SLC2A9: variants seen among roughly 807,000 people sequenced by gnomAD.
SLC2A9 encodes the protein solute carrier family 2 member 9.
SLC2A9 carries 39 observed loss-of-function variants against 50.6 expected under a neutral mutation model. That is an observed-to-expected ratio of 0.77 (90% confidence interval 0.60 to 1.01). The LOEUF is 1.01. Ranked by LOEUF, SLC2A9 falls within the 50% of genes least tolerant of loss-of-function variation. The pLI is 0.00. For synonymous variants in SLC2A9, 324 were observed against 276.9 expected (o/e 1.17, Z -1.69); for missense variants, 686 against 677.6 (o/e 1.01, Z -0.14).
At chr4:9,915,248 T>C (rs999499118) in intron 7 of SLC2A9, among the ~76,000 whole-genome samples, 4 of 152,210 alleles carry the variant, frequency 2.6e-5, no homozygotes, top group Admixed American at 6.5e-5. Context: ...GCTGAACTTA[T>C]TTATTTGAGA....
intron 10 of SLC2A9, among the ~76,000 whole-genome samples, chr4:9,848,971 G>C (rs1344638804): frequency 1.3e-5 from 2 of 152,188 alleles, no homozygotes; most frequent in African/African-American, 4.8e-5. Flanking sequence ...CGAAGTGCTG[G>C]GATTACAGGC....
At chr4:9,937,758 G>A (rs556156954) in intron 6 of SLC2A9, among the ~76,000 whole-genome samples, 4 of 152,356 alleles carry the variant, frequency 2.6e-5, no homozygotes, top group African/African-American at 7.2e-5. Flanking sequence ...AGCAGGGCCT[G>A]AAGAGCCAGC....
intron 6 of SLC2A9, among the ~76,000 whole-genome samples, chr4:9,931,960 CTCTATATATATATATATA>C (rs1331074403): frequency 8.9e-5 from 2 of 22,350 alleles, no homozygotes; most frequent in East Asian, 1.5e-3. Context: ...CTCTCTCTCT[CTCTATATATATATATATA>C]TATATATATA....
intron 9 of SLC2A9, among the ~76,000 whole-genome samples, chr4:9,890,085 C>T (rs534289883): frequency 7.2e-5 from 11 of 152,228 alleles, no homozygotes; most frequent in South Asian, 4.2e-4. Context: ...GATGAAGGGA[C>T]GACTGTTTCA....
At chr4:9,805,417 G>A (rs1165192586) in intron 3 of SLC2A9, among the ~76,000 whole-genome samples, 2 of 152,214 alleles carry the variant, frequency 1.3e-5, no homozygotes, top group Non-Finnish European at 2.9e-5. Flanking sequence ...TCAAGGAAGT[G>A]TAACCCTGAG....
intron 10 of SLC2A9, among the ~76,000 whole-genome samples, chr4:9,838,280 GT>G (rs1305320137): frequency 1.3e-5 from 2 of 152,008 alleles, no homozygotes; most frequent in Non-Finnish European, 2.9e-5. Context: ...GATGATGATG[GT>G]AACTGTGGCA....
At chr4:9,817,095 T>C (rs180903982) in intron 3 of SLC2A9, among the ~76,000 whole-genome samples, 1 of 152,294 alleles carries the variant, frequency 6.6e-6, no homozygotes, top group Non-Finnish European at 1.5e-5. Flanking sequence ...CTTCTTCTAG[T>C]ATCACTTCCT....
Position 9,839,132 on chromosome 4 carries a change from CTT to C in SLC2A9, c.1292-4126_1292-4125del, listed in dbSNP as rs541527226. On this transcript the variant is annotated intron_variant, in intron 10 of 11. Coordinates refer to ENST00000264784, the MANE Select transcript of SLC2A9 (RefSeq NM_020041.3). ...ACAAAGATCCAGCATCTATATGAAA[CTT>C]AAACAAATTTACAAGAATAAAACCC... 2.1e-3 allele frequency among the ~76,000 whole-genome samples: 314 copies of C among 152,158 alleles called. 2 individuals carry two copies. Among genetic ancestry groups the C allele is most frequent in the South Asian group, 8.1e-3 (39 of 4,822 alleles).
At chr4:9,808,499 A>G (rs59024311) in intron 3 of SLC2A9, among the ~76,000 whole-genome samples, 4,763 of 152,274 alleles carry the variant, frequency 0.031, 270 homozygotes, top group African/African-American at 0.11. Context: ...TGGAATTATC[A>G]GTAATAATAA....
At chr4:9,875,852 T>C (rs1032510284) in intron 10 of SLC2A9, among the ~76,000 whole-genome samples, 2 of 152,182 alleles carry the variant, frequency 1.3e-5, no homozygotes, top group Non-Finnish European at 2.9e-5. Flanking sequence ...CTAATTACAA[T>C]GTTATTGACT....
chr4:9,857,182 C>T (rs898535043), intron 10 of SLC2A9, among the ~76,000 whole-genome samples: 2 of 152,118 alleles, frequency 1.3e-5, no homozygotes, highest in African/African-American at 4.8e-5. Context: ...GTAAAAGGAT[C>T]CAGGGGACAT....
rs57223650 is a variant in SLC2A9, at chr4:9,799,692, A to ACCCCCCCCCCCCC, written n.421-452_421-451insGGGGGGGGGGGGG. 2.6e-3 allele frequency among the ~76,000 whole-genome samples: 185 copies of ACCCCCCCCCCCCC among 69,828 alleles called. 1 individual carries two copies. Among genetic ancestry groups the ACCCCCCCCCCCCC allele is most frequent in the African/African-American group, 4.2e-3 (75 of 17,662 alleles). 45.8% of individuals were successfully genotyped at this position (69,828 alleles called of 152,430 possible). ...GCTTTCTGAGCTCCATTCCAATTGT[A>ACCCCCCCCCCCCC]CCCCCCCCCCACCCAACTTCTACAC... is the stretch of plus-strand genomic sequence containing the variant. On this transcript the variant is annotated intron_variant and non_coding_transcript_variant, in intron 3 of 3. Coordinates refer to the SLC2A9 transcript ENST00000503280.
chr4:9,771,472 A>T (rs1716804878), intron 1 of SLC2A9: 1 of 398,956 alleles, frequency 2.5e-6, no homozygotes, highest in African/African-American at 2.1e-5. Context: ...GAACTCAGCC[A>T]GTACCCAACA....
At chr4:10,024,021 G>T (rs558297490), upstream of SLC2A9, among the ~76,000 whole-genome samples, 10 of 152,326 alleles carry the variant, frequency 6.6e-5, no homozygotes, top group Admixed American at 2.6e-4. Context: ...GTCATTACTT[G>T]CCTGTCTTTA....
chr4:9,771,195 C>T, exon 2 of SLC2A9: 1 of 312,026 alleles, frequency 3.2e-6, no homozygotes, highest in Non-Finnish European at 5.9e-6. Context: ...AGTCAAGCAA[C>T]TTAATGCTAG....
rs62295690 is a variant in SLC2A9, at chr4:9,841,894, T to C, written c.1292-6886A>G. Among the ~76,000 whole-genome samples the C allele has an allele frequency of 8.2e-3, 1,248 of 152,318 alleles. 9 individuals are homozygous for C. The highest frequency in any genetic ancestry group is 0.017 in the Middle Eastern group (5 of 294). ...TTGATCTTTCTCTGCAATTGCTGAC[T>C]CACCTGCTCACTCTGTCTCCCCCAT... On this transcript the variant is annotated intron_variant, in intron 10 of 11. Transcript: ENST00000264784.
intron 3 of SLC2A9, chr4:9,780,182 T>A (rs571251055): frequency 6.6e-6 from 1 of 152,192 alleles, no homozygotes; most frequent in African/African-American, 2.4e-5. Flanking sequence ...GGGAGTGACA[T>A]GAACATAGTC....
chr4:9,777,346 G>C (rs1577240553), downstream of SLC2A9, among the ~76,000 whole-genome samples: 1 of 150,776 alleles, frequency 6.6e-6, no homozygotes, highest in Admixed American at 6.6e-5. Context: ...CGAGGCTGGA[G>C]TGCAGTGGTG....
intron 3 of SLC2A9, among the ~76,000 whole-genome samples, chr4:9,818,159 T>G (rs1244858733): frequency 6.6e-6 from 1 of 152,178 alleles, no homozygotes; most frequent in African/African-American, 2.4e-5. Context: ...ACCCTAGCCA[T>G]GCTGAGCGGG....
Sources: gnomAD v4.1 joint callset for allele counts (sites outside exome capture counted in the v4.1 genomes callset) on GRCh38, gnomAD v4.1.1 for gene constraint, MANE v1.5 for transcripts, NCBI Gene and HGNC (gene_info 2026-07-23, HGNC 2026-07-21) for gene names.